ASIC2: variants seen among roughly 807,000 people sequenced by gnomAD.
The protein encoded by ASIC2 is acid-sensing ion channel 2.
In ASIC2, 25 loss-of-function variants were observed where a neutral mutation model predicts 57.3. That is an observed-to-expected ratio of 0.44 (90% CI 0.32 to 0.61). The LOEUF is 0.61. Ranked by LOEUF, ASIC2 falls within the 20% of genes least tolerant of loss-of-function variation. ASIC2 has a pLI of 0.06. For missense variants in ASIC2, 641 were observed against 738.1 expected (o/e 0.87, Z 1.52); for synonymous variants, 319 against 307.5 (o/e 1.04, Z -0.39).
intron 1 of ASIC2, among the ~76,000 whole-genome samples, chr17:33,139,993 A>G (rs1352155255): frequency 6.6e-6 from 1 of 152,214 alleles, no homozygotes; most frequent in African/African-American, 2.4e-5. Context: ...AATGTGCTAT[A>G]CAGAAGGGAT....
intron 3 of ASIC2, among the ~76,000 whole-genome samples, chr17:33,031,757 TG>T (rs1222319338): frequency 6.6e-6 from 1 of 152,166 alleles, no homozygotes; most frequent in Non-Finnish European, 1.5e-5. Flanking sequence ...TCTCAATTTT[TG>T]CTTTGGGTAT....
intron 1 of ASIC2, among the ~76,000 whole-genome samples, chr17:34,015,692 C>G (rs945035463): frequency 6.6e-6 from 1 of 152,246 alleles, no homozygotes; most frequent in Non-Finnish European, 1.5e-5. Flanking sequence ...TGAGAAAACT[C>G]TAATTCTATA....
chr17:34,149,252 ATG>A (rs1904422960), intron 1 of ASIC2, among the ~76,000 whole-genome samples: 1 of 151,936 alleles, frequency 6.6e-6, no homozygotes, highest in Non-Finnish European at 1.5e-5. Flanking sequence ...GACTACAGGC[ATG>A]TGCCACCACT....
At chr17:33,230,701 G>A (rs567818805) in intron 1 of ASIC2, among the ~76,000 whole-genome samples, 1 of 152,000 alleles carries the variant, frequency 6.6e-6, no homozygotes, top group Non-Finnish European at 1.5e-5. Flanking sequence ...CAGTGCGAAG[G>A]GGGTAAGAAG....
rs5820029 is a variant in ASIC2 at position 33,299,539 on chromosome 17, G to GTT, written c.556-187474_556-187473dup. 6.7e-3 allele frequency among the ~76,000 whole-genome samples: 1,003 copies of GTT among 150,738 alleles called. 11 individuals carry two copies. The highest frequency in any genetic ancestry group is 0.02 in the African/African-American group (838 of 41,046). On this transcript the variant is annotated intron_variant, in intron 1 of 9. Coordinates refer to the ASIC2 transcript ENST00000359872. ...CTCCACTGCCTTTCTCCCTCACTCT[G>GTT]TTTTTTTTTGTACACGCTTGGCCTC... is the stretch of plus-strand genomic sequence containing the variant.
chr17:34,147,327 G>A (rs959819087), intron 1 of ASIC2, among the ~76,000 whole-genome samples: 18 of 152,120 alleles, frequency 1.2e-4, no homozygotes, highest in African/African-American at 3.4e-4. Flanking sequence ...AGGCAAATAC[G>A]TTGCTTCTGT....
intron 1 of ASIC2, among the ~76,000 whole-genome samples, chr17:33,532,126 T>C (rs1915071547): frequency 6.6e-6 from 1 of 152,110 alleles, no homozygotes; most frequent in African/African-American, 2.4e-5. Flanking sequence ...CCCAGTCTGT[T>C]CTTCAGCCAG....
At chr17:33,948,095 T>C (rs1343982645) in intron 1 of ASIC2, among the ~76,000 whole-genome samples, 2 of 152,168 alleles carry the variant, frequency 1.3e-5, no homozygotes, top group East Asian at 3.8e-4. Flanking sequence ...GTCCATCCAA[T>C]TTCCACTGTA....
chr17:33,299,533 C>T (rs1384111561), intron 1 of ASIC2, among the ~76,000 whole-genome samples: 1 of 119,548 alleles, frequency 8.4e-6, no homozygotes, highest in Non-Finnish European at 1.7e-5. Context: ...CTTTCTCCCT[C>T]ACTCTGTTTT....
intron 1 of ASIC2, among the ~76,000 whole-genome samples, chr17:33,249,280 G>A (rs62067899): frequency 0.14 from 20,852 of 152,050 alleles, 1,796 homozygotes; most frequent in East Asian, 0.27. Context: ...AAATGGGGGC[G>A]TGGTGAGATG....
chr17:33,827,432 C>G (rs567441322), intron 1 of ASIC2, among the ~76,000 whole-genome samples: 3 of 146,652 alleles, frequency 2.0e-5, no homozygotes, highest in Admixed American at 7.0e-5. Flanking sequence ...CCCAGGTTCA[C>G]GCCGTTCTCC....
intron 1 of ASIC2, among the ~76,000 whole-genome samples, chr17:33,827,337 C>T (rs79057433): frequency 1.8e-4 from 14 of 76,526 alleles, no homozygotes; most frequent in African/African-American, 2.0e-4. Context: ...GCAGCTCACT[C>T]TTTTTTTTTT....
At chr17:33,716,032 T>C (rs749531714) in intron 1 of ASIC2, among the ~76,000 whole-genome samples, 4 of 152,160 alleles carry the variant, frequency 2.6e-5, no homozygotes, top group Non-Finnish European at 4.4e-5. Context: ...AGTTAATCAA[T>C]TGATCACTAA....
intron 1 of ASIC2, among the ~76,000 whole-genome samples, chr17:33,330,922 T>C (rs778757717): frequency 3.3e-5 from 5 of 152,116 alleles, no homozygotes; most frequent in Non-Finnish European, 5.9e-5. Context: ...CCAGGTATTG[T>C]GCTCGGTGTG....
At chr17:33,109,482 T>G (rs1033011953) in intron 2 of ASIC2, among the ~76,000 whole-genome samples, 9 of 152,098 alleles carry the variant, frequency 5.9e-5, no homozygotes, top group African/African-American at 1.9e-4. Flanking sequence ...CTCCCCAGTC[T>G]CAAAGGAAAT....
intron 7 of ASIC2, among the ~76,000 whole-genome samples, chr17:33,018,107 G>T (rs568605436): frequency 9.8e-5 from 15 of 152,326 alleles, no homozygotes; most frequent in African/African-American, 3.6e-4. Flanking sequence ...CCCAATCACG[G>T]CATGGGCTTC....
intron 1 of ASIC2, among the ~76,000 whole-genome samples, chr17:33,535,886 T>C (rs1191111470): frequency 6.6e-6 from 1 of 152,196 alleles, no homozygotes; most frequent in Non-Finnish European, 1.5e-5. Context: ...AATTGCACGA[T>C]GCATAAAAGA....
At chr17:33,991,780 T>G (rs1906006430) in intron 1 of ASIC2, among the ~76,000 whole-genome samples, 1 of 152,218 alleles carries the variant, frequency 6.6e-6, no homozygotes, top group Non-Finnish European at 1.5e-5. Flanking sequence ...TTTCCTTGGT[T>G]ATAGGAATGT....
chr17:34,101,956 G>A (rs1467328589), intron 1 of ASIC2, among the ~76,000 whole-genome samples: 2 of 152,004 alleles, frequency 1.3e-5, no homozygotes, highest in African/African-American at 2.4e-5. Flanking sequence ...ATAGCTTACA[G>A]TTCTACTTTT....
Sources: gnomAD v4.1 joint callset for allele counts (sites outside exome capture counted in the v4.1 genomes callset) on GRCh38, gnomAD v4.1.1 for gene constraint, MANE v1.5 for transcripts, NCBI Gene and HGNC (gene_info 2026-07-23, HGNC 2026-07-21) for gene names.